The following CEP70 variants were observed in gnomAD, a reference collection of about 807,000 sequenced individuals.
CEP70 encodes the protein centrosomal protein 70.
In CEP70, 70 loss-of-function variants were observed where a neutral mutation model predicts 90.9. The observed-to-expected ratio is 0.77, with a 90% confidence interval of 0.64 to 0.94. The LOEUF is 0.94. CEP70 is among the 40% of genes least tolerant of loss of function. CEP70 has a pLI of 0.00. For missense variants in CEP70, 648 were observed against 669.0 expected (o/e 0.97, Z 0.35); for synonymous variants, 220 against 228.3 (o/e 0.96, Z 0.33).
intron 11 of CEP70, among the ~76,000 whole-genome samples, chr3:138,524,464 AGTGAACAGG>A (rs941329024): frequency 6.6e-6 from 1 of 152,204 alleles, no homozygotes; most frequent in Non-Finnish European, 1.5e-5. Context: ...GAGTGAACAG[AGTGAACAGG>A]CGACCTACAG....
chr3:138,496,535 A>T lies in CEP70; in HGVS notation c.1733-1459T>A, dbSNP rs552982356. On this transcript the variant is annotated intron_variant, in intron 17 of 17. Coordinates refer to ENST00000264982, the MANE Select transcript of CEP70 (RefSeq NM_024491.4). The stretch of plus-strand genomic sequence containing the variant: ...TCTCATTAAGTGAGAAACCTGCCTT[A>T]CAAATGAACCTCACAGCAAAGGACC... 1.2e-5 allele frequency: 12 copies of T among 985,420 alleles called. No homozygotes were observed. In the African/African-American group the frequency reaches 1.7e-4, roughly 14 times the overall value. 61.0% of individuals were successfully genotyped at this position (985,420 alleles called of 1,614,324 possible).
chr3:138,588,540 G>A (rs577549439), intron 2 of CEP70, among the ~76,000 whole-genome samples: 42 of 152,314 alleles, frequency 2.8e-4, no homozygotes, highest in African/African-American at 9.1e-4. Flanking sequence ...AACACACGAT[G>A]TGACACCACT....
At chr3:138,498,503 T>C (rs1051529544) in intron 16 of CEP70, among the ~76,000 whole-genome samples, 1 of 151,424 alleles carries the variant, frequency 6.6e-6, no homozygotes, top group African/African-American at 2.4e-5. Flanking sequence ...CCCGACTAAT[T>C]TTTTGTATTT....
At chr3:138,556,353 C>G (rs1331204293) in intron 6 of CEP70, among the ~76,000 whole-genome samples, 1 of 151,792 alleles carries the variant, frequency 6.6e-6, no homozygotes, top group African/African-American at 2.4e-5. Context: ...TATGGTGAAA[C>G]CCCATCTCTA....
In CEP70 at chr3:138,498,043, G is replaced by A; in HGVS notation, c.1720C>T (p.Leu574Phe). ...PAFQAFTNDLLEILEIDDLDA... is the reference protein window; with the variant it reads ...PAFQAFTNDLFEILEIDDLDA... ...CCAGAGATCTTACCTAAGATTTCAA[G>A]TAGATCATTAGTAAATGCCTGAAAT... The change falls in exon 17 of 18, where the codon CTT (leucine) becomes TTT (phenylalanine). Residue 574 changes from leucine to phenylalanine, a missense_variant. Coordinates refer to ENST00000264982, the MANE Select transcript of CEP70 (RefSeq NM_024491.4). The A allele has an allele frequency of 1.2e-6, 2 of 1,612,812 alleles. No homozygotes were observed. Among genetic ancestry groups the A allele is most frequent in the Non-Finnish European group, 1.7e-6 (2 of 1,179,426 alleles).
intron 8 of CEP70, among the ~76,000 whole-genome samples, chr3:138,530,278 T>C (rs897207965): frequency 6.6e-6 from 1 of 152,220 alleles, no homozygotes; most frequent in African/African-American, 2.4e-5. Context: ...TAGTATAAAA[T>C]ACTTTTCTGT....
At chr3:138,590,353 A>C (rs1481178955) in intron 2 of CEP70, among the ~76,000 whole-genome samples, 1 of 152,130 alleles carries the variant, frequency 6.6e-6, no homozygotes, top group Non-Finnish European at 1.5e-5. Context: ...TGGAAGTAGA[A>C]TACATTAGGT....
In CEP70 at chr3:138,530,635, C is replaced by A. The variant is rs906278327; in HGVS notation, c.693-1173G>T. 4.1e-6 allele frequency: 4 copies of A among 985,288 alleles called. No homozygotes were observed. The African/African-American group carries it at 7.0e-5, about 17-fold the overall frequency. 61.0% of individuals were successfully genotyped at this position (985,288 alleles called of 1,614,324 possible). ...TTCCTTTGGTCTTGCTGCTTCAGTT[C>A]TACAGGGTCACAGCTCTTCTCCTCT... On this transcript the variant is annotated intron_variant, in intron 8 of 17. Transcript: ENST00000264982.
chr3:138,549,424 C>T (rs1423513928), intron 6 of CEP70, among the ~76,000 whole-genome samples: 1 of 151,594 alleles, frequency 6.6e-6, no homozygotes, highest in Non-Finnish European at 1.5e-5. Context: ...CTGGGTGAGG[C>T]CTATAACTTC....
chr3:138,569,901 G>C (rs2041047029), intron 6 of CEP70, among the ~76,000 whole-genome samples: 1 of 152,136 alleles, frequency 6.6e-6, no homozygotes, highest in African/African-American at 2.4e-5. Flanking sequence ...CAAAGTTGTA[G>C]ATGCCTATTA....
Position 138,571,362 on chromosome 3 carries a change from A to G in CEP70, c.70-6T>C. On this transcript the variant is annotated splice_region_variant and splice_polypyrimidine_tract_variant and intron_variant, in intron 3 of 17. Transcript: ENST00000264982. ...TCCCATTCTGCTTCTTCCTGCTACA[A>G]TTACAGAAAGAGAAGAAAGGGTTAA... The G allele has an allele frequency of 6.3e-7, 1 of 1,578,484 alleles. No homozygotes were observed.
At chr3:138,530,467 T>C (rs1389552885) in intron 8 of CEP70, 6 of 317,218 alleles carry the variant, frequency 1.9e-5, no homozygotes, top group Non-Finnish European at 2.7e-5. Flanking sequence ...TTATTCCCAA[T>C]GTGTTTATTT....
chr3:138,521,610 GCCACCCCA>G, intron 11 of CEP70, among the ~76,000 whole-genome samples: 2 of 148,072 alleles, frequency 1.4e-5, no homozygotes, highest in Admixed American at 6.7e-5. Flanking sequence ...CTACCTGGCC[GCCACCCCA>G]TCTGGGAGGT....
intron 10 of CEP70, among the ~76,000 whole-genome samples, chr3:138,526,816 T>C (rs2037298656): frequency 6.6e-6 from 1 of 152,052 alleles, no homozygotes; most frequent in African/African-American, 2.4e-5. Flanking sequence ...TCAATAAGAG[T>C]AAATTTCAAA....
chr3:138,593,306 T>G (rs777661454), intron 1 of CEP70, among the ~76,000 whole-genome samples: 20 of 152,102 alleles, frequency 1.3e-4, no homozygotes, highest in Non-Finnish European at 2.9e-4. Flanking sequence ...CACAGCAACC[T>G]CCGCCTCCCG....
chr3:138,541,840 G>A (rs1019155081), intron 6 of CEP70, among the ~76,000 whole-genome samples: 3 of 152,294 alleles, frequency 2.0e-5, no homozygotes, highest in African/African-American at 7.2e-5. Context: ...AGGGCAATAT[G>A]GCAAAGCCCC....
chr3:138,547,335 A>G (rs2039287323), intron 6 of CEP70, among the ~76,000 whole-genome samples: 1 of 152,234 alleles, frequency 6.6e-6, no homozygotes, highest in African/African-American at 2.4e-5. Flanking sequence ...ACTGAACCCA[A>G]TTGCCATCAA....
At chr3:138,582,335 G>A (rs1437701513) in intron 2 of CEP70, among the ~76,000 whole-genome samples, 2 of 152,110 alleles carry the variant, frequency 1.3e-5, no homozygotes, top group African/African-American at 4.8e-5. Flanking sequence ...AGCCAGGCGT[G>A]GTGGCACATG....
At chr3:138,574,469 T>G (rs562233337) in intron 2 of CEP70, among the ~76,000 whole-genome samples, 1 of 152,278 alleles carries the variant, frequency 6.6e-6, no homozygotes, top group African/African-American at 2.4e-5. Context: ...CCACCGCAGC[T>G]CAAAGAGGCC....
Sources: allele counts gnomAD v4.1 joint callset (sites outside exome capture counted in the v4.1 genomes callset), GRCh38; gene constraint gnomAD v4.1.1; transcripts MANE v1.5; gene names NCBI Gene and HGNC (gene_info 2026-07-23, HGNC 2026-07-21).